The following DOC2A variants were observed in gnomAD, a reference collection of about 807,000 sequenced individuals.
The protein encoded by DOC2A is double C2-like domain-containing protein alpha.
DOC2A carries 28 observed loss-of-function variants against 40.6 expected under a neutral mutation model. The ratio of observed to expected loss-of-function variants is 0.69; its 90% CI spans 0.51 to 0.95. The LOEUF (loss-of-function observed/expected upper bound fraction) is 0.95. DOC2A is among the 40% of genes least tolerant of loss of function. The pLI is 0.00. For missense variants in DOC2A, 474 were observed against 552.5 expected, an observed-to-expected ratio of 0.86 and a Z score of 1.42; for synonymous variants, 241 against 236.9, an observed-to-expected ratio of 1.02 and a Z score of -0.16.
chr16:30,006,598 C>T lies in DOC2A; in HGVS notation c.958G>A (p.Glu320Lys), dbSNP rs1003047711. 6 of 1,613,680 alleles carry T rather than the reference C, an allele frequency of 3.7e-6. No homozygotes were observed. The highest frequency in any genetic ancestry group is 3.3e-5 in the South Asian group (3 of 91,042). ...ATGTCCCGTCCCCTCCTGGGTACCT[C>T]GTTAAATTCTGGGTTGAGAGTCTTC... ...KKKTLNPEFNEEFFYEIELST... is the reference protein window; with the variant it reads ...KKKTLNPEFNKEFFYEIELST... The change falls in exon 9 of 11, where the codon GAG (glutamate) becomes AAG (lysine). Residue 320 changes from glutamate to lysine, a missense_variant and splice_region_variant. Coordinates refer to ENST00000350119, the MANE Select transcript of DOC2A (RefSeq NM_003586.3). The surrounding 1 kb of genome is among the most constrained non-coding windows in gnomAD (Gnocchi z 6.2).
chr16:30,015,666 C>CCTTCCTTT (rs2070846875), upstream of DOC2A, among the ~76,000 whole-genome samples: 1 of 149,854 alleles, frequency 6.7e-6, no homozygotes, highest in Non-Finnish European at 1.5e-5. Context: ...TTCCTTCCTT[C>CCTTCCTTT]CTTCCTTTCT....
chr16:30,007,594 C>T (rs1022534370), intron 5 of DOC2A: 26 of 467,554 alleles, frequency 5.6e-5, no homozygotes, highest in Admixed American at 3.0e-4. Flanking sequence ...CCGAACACCA[C>T]GGTGGATGTG....
At chr16:30,013,852 T>C (rs1042203090), upstream of DOC2A, among the ~76,000 whole-genome samples, 9 of 151,934 alleles carry the variant, frequency 5.9e-5, no homozygotes, top group African/African-American at 2.2e-4. Flanking sequence ...GTAGCTGGGA[T>C]TACAGGGGCG....
chr16:30,016,039 ATATATATATATATATATTT>A (rs1330789116), upstream of DOC2A, among the ~76,000 whole-genome samples: 4 of 55,460 alleles, frequency 7.2e-5, no homozygotes, highest in Admixed American at 2.6e-4. Context: ...ATATATATAT[ATATATATATATATATATTT>A]TTTTTTTTTT....
At position 30,009,453 on chromosome 16, in the gene DOC2A, G is replaced by A; in HGVS notation, c.342+25C>T. The A allele has an allele frequency of 6.4e-7, 1 of 1,550,446 alleles. No homozygotes were observed. The highest frequency in any genetic ancestry group is 8.7e-7 in the Non-Finnish European group (1 of 1,146,338). ...GGGGGCTGCACGCAAACCGGGCCCGGGCTTGGGTGGCAGGGAGTGCCCACC... is the reference window on the plus strand; with the variant it reads ...GGGGGCTGCACGCAAACCGGGCCCGAGCTTGGGTGGCAGGGAGTGCCCACC... On this transcript the variant is annotated intron_variant, in intron 3 of 10. Transcript: ENST00000350119. The surrounding 1 kb of genome is among the most constrained non-coding windows in gnomAD (Gnocchi z 4.1).
At chr16:30,019,844 C>T (rs1240675789) in intron 1 of DOC2A, among the ~76,000 whole-genome samples, 1 of 152,164 alleles carries the variant, frequency 6.6e-6, no homozygotes, top group Non-Finnish European at 1.5e-5. Context: ...AAGTGATTCT[C>T]CTGCCTCAGA....
upstream of DOC2A, among the ~76,000 whole-genome samples, chr16:30,021,879 C>G (rs888260678): frequency 1.1e-4 from 17 of 152,048 alleles, no homozygotes; most frequent in Non-Finnish European, 2.1e-4. Flanking sequence ...AACCCCCCCC[C>G]CAGGAAGTGT....
upstream of DOC2A, chr16:30,015,196 G>GA: frequency 6.6e-6 from 1 of 152,296 alleles, no homozygotes; most frequent in East Asian, 1.9e-4. Context: ...GCAGGAAGAG[G>GA]AAAGACTTAC....
chr16:30,006,629 C>T lies in DOC2A; in HGVS notation c.927G>A (p.Val309=), dbSNP rs749073479. The change falls in exon 9 of 11, where the codon GTG becomes GTA. Residue 309 remains valine, a synonymous_variant. Transcript: ENST00000350119. This position sits in a 1 kb window ranked among gnomAD's most constrained non-coding sequence, Gnocchi z 6.2. The part of the protein sequence containing the change: ...VDKKSKHKTC[V]KKKTLNPEFN... ...ATTCTGGGTTGAGAGTCTTCTTCTTCACACACGTCTTATGCTTGGATTTCT... is the reference window on the plus strand; with the variant it reads ...ATTCTGGGTTGAGAGTCTTCTTCTTTACACACGTCTTATGCTTGGATTTCT... The T allele has an allele frequency of 1.2e-6, 2 of 1,613,816 alleles. No homozygotes were observed. The highest frequency in any genetic ancestry group is 1.1e-5 in the South Asian group (1 of 91,070).
At position 30,010,321 on chromosome 16, in the gene DOC2A, G is replaced by A; in HGVS notation, c.-13-86C>T. ...GGCGACGGCCTCCTCGGTCTGTGGG[G>A]CCCTCACTGGCCTCCCTTCCTAGGT... On this transcript the variant is annotated intron_variant, in intron 1 of 10. Transcript: ENST00000350119. This position sits in a 1 kb window ranked among gnomAD's most constrained non-coding sequence, Gnocchi z 4.2. The A allele has an allele frequency of 6.5e-7, 1 of 1,546,588 alleles. No homozygotes were observed. Among genetic ancestry groups the A allele is most frequent in the Non-Finnish European group, 8.8e-7 (1 of 1,132,138 alleles).
Position 30,010,110 on chromosome 16 carries a change from C to CGGG in DOC2A, c.110_112dup (p.Pro37dup). The CGGG allele has an allele frequency of 6.2e-7, 1 of 1,613,388 alleles. No homozygotes were observed. The highest frequency in any genetic ancestry group is 8.5e-7 in the Non-Finnish European group (1 of 1,179,640). On this transcript the variant is annotated inframe_insertion, in exon 2 of 11. Coordinates refer to ENST00000350119, the MANE Select transcript of DOC2A (RefSeq NM_003586.3). This position sits in a 1 kb window ranked among gnomAD's most constrained non-coding sequence, Gnocchi z 4.2. ...GCCGCCCCCTTCAGGTCCTGGTCCC[C>CGGG]GGGGGAAGTAGTCAGAGATCTGGCG...
intron 5 of DOC2A, 189 bp from the exon 6 acceptor site, chr16:30,007,488 C>T: frequency 1.4e-6 from 1 of 731,002 alleles, no homozygotes; most frequent in Non-Finnish European, 2.3e-6. Flanking sequence ...CCCGGCTGTC[C>T]CTGGTCCATC....
upstream of DOC2A, among the ~76,000 whole-genome samples, chr16:30,013,766 G>A (rs2070824390): frequency 6.7e-6 from 1 of 150,204 alleles, no homozygotes; most frequent in Admixed American, 6.6e-5. Flanking sequence ...CCAGGCTGGA[G>A]TGCAATGGTG....
At position 30,010,037 on chromosome 16, in the gene DOC2A, G is replaced by T. The variant is rs777238021; in HGVS notation, c.186C>A (p.Ala62=). 7.4e-6 allele frequency: 12 copies of T among 1,611,960 alleles called. No homozygotes were observed. Among genetic ancestry groups the T allele is most frequent in the African/African-American group, 1.3e-5 (1 of 74,894 alleles). Residue 62 remains alanine, a synonymous_variant, in exon 2 of 11, where the codon GCC becomes GCA. Coordinates refer to ENST00000350119, the MANE Select transcript of DOC2A (RefSeq NM_003586.3). This position sits in a 1 kb window ranked among gnomAD's most constrained non-coding sequence, Gnocchi z 4.2. ...TGGCCCCAAGGAGGGCTGCAGGGGG[G>T]GCCAGAGCCAGGGGGACCAGATGGG... The part of the protein sequence containing the change: ...APAHLVPLAL[A]PPAALLGATT...
upstream of DOC2A, among the ~76,000 whole-genome samples, chr16:30,013,918 T>C (rs1373175003): frequency 6.6e-6 from 1 of 152,060 alleles, no homozygotes; most frequent in African/African-American, 2.4e-5. Flanking sequence ...TGTTTCACCA[T>C]CTTAGCCCCG....
At chr16:30,019,680 C>T (rs1463065939) in intron 1 of DOC2A, among the ~76,000 whole-genome samples, 1 of 152,188 alleles carries the variant, frequency 6.6e-6, no homozygotes, top group African/African-American at 2.4e-5. Flanking sequence ...CCCAGCTAAC[C>T]TCAAGGAGCA....
At chr16:30,016,028 T>C (rs1426205844), upstream of DOC2A, among the ~76,000 whole-genome samples, 1 of 58,580 alleles carries the variant, frequency 1.7e-5, no homozygotes, top group Non-Finnish European at 2.7e-5. Context: ...ATAATATATA[T>C]ATATATATAT....
rs150127737 is a variant in DOC2A, at chr16:30,006,678, C to T, written c.879-1G>A. 2 of 1,613,716 alleles carry T rather than the reference C, an allele frequency of 1.2e-6. No homozygotes were observed. Among genetic ancestry groups the T allele is most frequent in the Non-Finnish European group, 1.7e-6 (2 of 1,179,958 alleles). On this transcript the variant is annotated splice_acceptor_variant, in intron 8 of 10. Coordinates refer to ENST00000350119, the MANE Select transcript of DOC2A (RefSeq NM_003586.3). LOFTEE classifies it high-confidence loss of function. This position sits in a 1 kb window ranked among gnomAD's most constrained non-coding sequence, Gnocchi z 6.2. The stretch of plus-strand genomic sequence containing the variant: ...CTTGTCCACATCGGGCCTCAGGTAC[C>T]TGGGGGTGGGGTGGAGGGAGACGAA...
At chr16:30,011,913 C>T (rs533207196), upstream of DOC2A, among the ~76,000 whole-genome samples, 1 of 152,126 alleles carries the variant, frequency 6.6e-6, no homozygotes, top group Admixed American at 6.5e-5. Flanking sequence ...CGGGGCTTGG[C>T]TCTGAAGGTC....
Sources: allele counts gnomAD v4.1 joint callset (sites outside exome capture counted in the v4.1 genomes callset), GRCh38; gene constraint gnomAD v4.1.1; non-coding constraint Gnocchi (gnomAD v3.1); transcripts MANE v1.5; gene names NCBI Gene and HGNC (gene_info 2026-07-23, HGNC 2026-07-21).